TMEM233: variants seen among roughly 807,000 people sequenced by gnomAD.
TMEM233 encodes transmembrane protein 233, also known as dispanin subfamily B member 2.
In TMEM233, 6 loss-of-function variants were observed where a neutral mutation model predicts 11.2. The observed-to-expected ratio is 0.54, with a 90% CI of 0.29 to 1.06. The LOEUF (loss-of-function observed/expected upper bound fraction) is 1.06, where lower values mean the gene tolerates loss of function less well. Among genes scored for constraint, TMEM233 ranks in the 50% least tolerant of loss-of-function variants. The probability of loss-of-function intolerance (pLI) is 0.08; values close to 1 mark genes in which losing one functional copy is unlikely to be tolerated. For synonymous variants in TMEM233, 59 were observed against 55.8 expected (o/e 1.06, Z -0.26); for missense variants, 127 against 144.7 (o/e 0.88, Z 0.63).
intron 1 of TMEM233, among the ~76,000 whole-genome samples, chr12:119,604,504 T>TATTA (rs1210902624): frequency 6.6e-6 from 1 of 152,258 alleles, no homozygotes; most frequent in Admixed American, 6.5e-5. Context: ...CTCACTTTAA[T>TATTA]GAGTACAGCT....
intron 1 of TMEM233, among the ~76,000 whole-genome samples, chr12:119,622,323 T>A (rs924667876): frequency 4.6e-5 from 7 of 152,182 alleles, no homozygotes; most frequent in Non-Finnish European, 8.8e-5. Flanking sequence ...ATTGACTGCA[T>A]GTGCTTCTAT....
chr12:119,623,725 A>G (rs1954692959), intron 1 of TMEM233, among the ~76,000 whole-genome samples: 1 of 152,160 alleles, frequency 6.6e-6, no homozygotes, highest in Admixed American at 6.5e-5. Context: ...GGAAGTGGCA[A>G]TTCACAGCAA....
At chr12:119,622,678 A>G (rs189753857) in intron 1 of TMEM233, among the ~76,000 whole-genome samples, 153 of 152,162 alleles carry the variant, frequency 1.0e-3, no homozygotes, top group African/African-American at 3.6e-3. Flanking sequence ...AGACCCCCCC[A>G]GCCATGGAAA....
At chr12:119,643,952 A>G (rs891986660), downstream of TMEM233, among the ~76,000 whole-genome samples, 7 of 152,158 alleles carry the variant, frequency 4.6e-5, no homozygotes, top group African/African-American at 1.7e-4. Context: ...TCCAGGTCTC[A>G]GCCCCAACTT....
intron 1 of TMEM233, among the ~76,000 whole-genome samples, chr12:119,617,888 G>A (rs1693670695): frequency 6.6e-6 from 1 of 152,214 alleles, no homozygotes; most frequent in African/African-American, 2.4e-5. Flanking sequence ...ATTCAAGCCA[G>A]CTGCAGAAAT....
At chr12:119,597,223 C>G (rs951353511) in intron 1 of TMEM233, among the ~76,000 whole-genome samples, 3 of 152,210 alleles carry the variant, frequency 2.0e-5, no homozygotes, top group African/African-American at 7.2e-5. Context: ...CAATTTTCAA[C>G]TCTCACTTCT....
downstream of TMEM233, among the ~76,000 whole-genome samples, chr12:119,646,454 T>C (rs1474836486): frequency 6.6e-6 from 1 of 152,088 alleles, no homozygotes; most frequent in Non-Finnish European, 1.5e-5. Flanking sequence ...GTTCTGGAGG[T>C]CAGAAGTCTA....
At chr12:119,615,173 T>TAAAAAAAA (rs60318959) in intron 1 of TMEM233, among the ~76,000 whole-genome samples, 46 of 56,192 alleles carry the variant, frequency 8.2e-4, no homozygotes, top group African/African-American at 3.2e-3. Flanking sequence ...CGCTTTCTGC[T>TAAAAAAAA]AAAAAAAAAA....
chr12:119,647,925 A>G (rs1358771933), downstream of TMEM233, among the ~76,000 whole-genome samples: 1 of 151,934 alleles, frequency 6.6e-6, no homozygotes, highest in Non-Finnish European at 1.5e-5. Context: ...ACATGATCAG[A>G]CCCTTGGCTG....
the TMEM233 span, among the ~76,000 whole-genome samples, chr12:119,648,139 A>T: frequency 6.6e-6 from 1 of 151,740 alleles, no homozygotes; most frequent in African/African-American, 2.4e-5. Context: ...GATCAACCTA[A>T]CCCCCATCTC....
chr12:119,620,379 A>G (rs1954616860), intron 1 of TMEM233, among the ~76,000 whole-genome samples: 1 of 152,246 alleles, frequency 6.6e-6, no homozygotes, highest in Non-Finnish European at 1.5e-5. Flanking sequence ...ATGTAAATCC[A>G]TATACCCTTT....
chr12:119,651,678 T>A, the TMEM233 span, among the ~76,000 whole-genome samples: 3 of 149,350 alleles, frequency 2.0e-5, no homozygotes, highest in Non-Finnish European at 4.5e-5. Context: ...AAAAAAAAAA[T>A]TAGCTGGATG....
At chr12:119,631,570 G>A (rs1176173903) in intron 2 of TMEM233, 2 of 985,334 alleles carry the variant, frequency 2.0e-6, no homozygotes, top group Admixed American at 1.2e-4. Flanking sequence ...GTTGGCCCAT[G>A]AAGAGGAAGA....
intron 1 of TMEM233, among the ~76,000 whole-genome samples, chr12:119,629,297 C>T (rs1954828337): frequency 6.6e-6 from 1 of 152,106 alleles, no homozygotes; most frequent in African/African-American, 2.4e-5. Flanking sequence ...GTAATCCCAG[C>T]TACTTGGGAG....
At chr12:119,625,168 G>A (rs1003939874) in intron 1 of TMEM233, among the ~76,000 whole-genome samples, 2 of 152,146 alleles carry the variant, frequency 1.3e-5, no homozygotes, top group African/African-American at 2.4e-5. Context: ...TTAATGGAAG[G>A]TTCCGGAAGC....
chr12:119,626,515 G>A (rs1395138612), intron 1 of TMEM233, among the ~76,000 whole-genome samples: 3 of 55,330 alleles, frequency 5.4e-5, no homozygotes, highest in South Asian at 5.7e-4. Context: ...GGAGGAGGAG[G>A]AGGAGAAGGG....
At chr12:119,602,158 T>C (rs1279037165) in intron 1 of TMEM233, among the ~76,000 whole-genome samples, 1 of 152,232 alleles carries the variant, frequency 6.6e-6, no homozygotes, top group African/African-American at 2.4e-5. Context: ...TTTTTCCATC[T>C]GACCCGAGCT....
chr12:119,637,618 G>A (rs1179547920), intron 2 of TMEM233, among the ~76,000 whole-genome samples: 3 of 152,098 alleles, frequency 2.0e-5, no homozygotes, highest in African/African-American at 4.8e-5. Context: ...GAATTGTTTT[G>A]ATCAGAGAAT....
chr12:119,601,994 G>A (rs1477241319), intron 1 of TMEM233, among the ~76,000 whole-genome samples: 1 of 152,170 alleles, frequency 6.6e-6, no homozygotes, highest in Non-Finnish European at 1.5e-5. Flanking sequence ...GATAATGGAT[G>A]GTTGGCCTGA....
Sources: allele counts gnomAD v4.1 joint callset (sites outside exome capture counted in the v4.1 genomes callset), GRCh38; gene constraint gnomAD v4.1.1; transcripts MANE v1.5; gene names NCBI Gene and HGNC (gene_info 2026-07-23, HGNC 2026-07-21).